The following DENND4C variants were observed in gnomAD, a reference collection of about 807,000 sequenced individuals.
DENND4C encodes DENN domain-containing protein 4C.
In DENND4C, 108 loss-of-function variants were observed where a neutral mutation model predicts 203.0. That is an observed-to-expected ratio of 0.53 (90% confidence interval 0.46 to 0.62). The LOEUF (loss-of-function observed/expected upper bound fraction) is 0.62, where lower values mean the gene tolerates loss of function less well. Among genes scored for constraint, DENND4C ranks in the 20% least tolerant of loss-of-function variants. The pLI is 0.00. For missense variants in DENND4C, 2,481 were observed against 2,301.2 expected (o/e 1.08, Z -1.60); for synonymous variants, 871 against 792.4 (o/e 1.10, Z -1.67).
intron 30 of DENND4C, among the ~76,000 whole-genome samples, chr9:19,367,431 T>C (rs1827912908): frequency 6.6e-6 from 1 of 152,198 alleles, no homozygotes; most frequent in Non-Finnish European, 1.5e-5. Flanking sequence ...CGGAAACAAA[T>C]GTCTATCAGT....
chr9:19,315,069 A>G (rs1314190427), intron 10 of DENND4C, among the ~76,000 whole-genome samples: 1 of 151,174 alleles, frequency 6.6e-6, no homozygotes, highest in East Asian at 2.0e-4. Flanking sequence ...CTGAGGCAGG[A>G]GAATCGCTTG....
Position 19,352,126 on chromosome 9 carries a change from C to A in DENND4C, c.4549C>A (p.His1517Asn), listed in dbSNP as rs779176610. ...MKGQDFEKSD[H>N]GSSQNTSMSS... ...AGGGCAAGACTTTGAAAAATCAGAT[C>A]ATGGTTCTTCTCAAAATACCAGCAT... The change falls in exon 25 of 33, where the codon CAT becomes AAT. Residue 1517 changes from histidine (H) to asparagine (N), a missense_variant. Around this residue, in one of 3 missense-constraint regions of DENND4C, gnomAD observed 2,289 missense variants for 2,113.3 expected, o/e 1.08. Coordinates refer to ENST00000434457, the MANE Select transcript of DENND4C (RefSeq NM_001330640.2). The A allele has an allele frequency of 1.2e-6, 2 of 1,613,872 alleles. No homozygotes were observed. Among genetic ancestry groups the A allele is most frequent in the Non-Finnish European group, 1.7e-6 (2 of 1,179,884 alleles).
At chr9:19,244,739 CAAA>C (rs11459976) in intron 1 of DENND4C, among the ~76,000 whole-genome samples, 25 of 142,408 alleles carry the variant, frequency 1.8e-4, no homozygotes, top group Admixed American at 3.5e-4. Flanking sequence ...GACCCCACCT[CAAA>C]AAAAAAAAAA....
At chr9:19,279,704 A>G (rs1833645461) in intron 2 of DENND4C, among the ~76,000 whole-genome samples, 1 of 151,338 alleles carries the variant, frequency 6.6e-6, no homozygotes, top group Non-Finnish European at 1.5e-5. Context: ...AAAATTAGCA[A>G]GGTGTGGTGG....
rs1262901802 is a variant in DENND4C at position 19,346,036 on chromosome 9, T to C, written c.3267T>C (p.Phe1089=). The C allele has an allele frequency of 6.2e-7, 1 of 1,614,176 alleles. No homozygotes were observed. Among genetic ancestry groups the C allele is most frequent in the Non-Finnish European group, 8.5e-7 (1 of 1,180,044 alleles). ...GDRGEKRQKH[F]PERSCSFSSE... The stretch of plus-strand genomic sequence containing the variant: ...GAGGAGAAAAAAGACAAAAGCATTT[T>C]CCTGAGAGGAGTTGTAGTTTTAGTT... The change falls in exon 23 of 33, where the codon TTT becomes TTC. Residue 1089 remains phenylalanine (F), a synonymous_variant. Transcript: ENST00000434457.
chr9:19,337,130 A>T (rs1331897961), intron 20 of DENND4C, among the ~76,000 whole-genome samples: 1 of 152,244 alleles, frequency 6.6e-6, no homozygotes, highest in Non-Finnish European at 1.5e-5. Context: ...CTTGAAAATT[A>T]GTGACACAAC....
intron 22 of DENND4C, among the ~76,000 whole-genome samples, chr9:19,343,935 A>G (rs960876986): frequency 6.6e-6 from 1 of 152,204 alleles, no homozygotes; most frequent in Non-Finnish European, 1.5e-5. Flanking sequence ...AGAACCAATA[A>G]TATTTGCAAG....
intron 26 of DENND4C, among the ~76,000 whole-genome samples, chr9:19,354,817 A>G (rs1303255136): frequency 2.0e-5 from 3 of 151,556 alleles, no homozygotes; most frequent in African/African-American, 7.3e-5. Context: ...AAGTGCTGGG[A>G]TTACAGGCGT....
chr9:19,241,404 A>T (rs1187601380), intron 1 of DENND4C, among the ~76,000 whole-genome samples: 1 of 151,780 alleles, frequency 6.6e-6, no homozygotes, highest in African/African-American at 2.4e-5. Flanking sequence ...TTAGAGATAG[A>T]GTCTCGCTAT....
chr9:19,252,582 TTAAAA>T (rs1564087998), intron 1 of DENND4C, among the ~76,000 whole-genome samples: 1 of 152,174 alleles, frequency 6.6e-6, no homozygotes. Context: ...ATCCTGTCTC[TTAAAA>T]TAAAATAATT....
rs534244824 is a variant in DENND4C at position 19,331,481 on chromosome 9, A to G, written c.2254-497A>G. Among the ~76,000 whole-genome samples the G allele has an allele frequency of 1.4e-4, 21 of 152,264 alleles. 1 individual carries two copies. Among genetic ancestry groups the G allele is most frequent in the African/African-American group, 4.3e-4 (18 of 41,562 alleles). The stretch of plus-strand genomic sequence containing the variant: ...CTCCCAAAGTGCTAGGATTACAGGC[A>G]TAAGCCACTGCACCTGGCCAGAAAC... On this transcript the variant is annotated intron_variant, in intron 16 of 32. Coordinates refer to ENST00000434457, the MANE Select transcript of DENND4C (RefSeq NM_001330640.2).
At chr9:19,312,345 T>C (rs1840905968) in intron 10 of DENND4C, among the ~76,000 whole-genome samples, 2 of 152,146 alleles carry the variant, frequency 1.3e-5, no homozygotes, top group South Asian at 2.1e-4. Context: ...TCAAGTGATA[T>C]GCCTATATCA....
chr9:19,304,662 G>A (rs1028247874), intron 9 of DENND4C, among the ~76,000 whole-genome samples: 91 of 151,014 alleles, frequency 6.0e-4, no homozygotes, highest in Non-Finnish European at 1.3e-4. Flanking sequence ...TCAGCCTCCC[G>A]AGTAGCTGGG....
At chr9:19,277,445 T>C (rs975682953) in intron 2 of DENND4C, among the ~76,000 whole-genome samples, 2 of 152,210 alleles carry the variant, frequency 1.3e-5, no homozygotes, top group Non-Finnish European at 2.9e-5. Context: ...ATAAATAGTG[T>C]TGTTTTCTTA....
At chr9:19,319,478 A>G (rs894164627) in intron 12 of DENND4C, among the ~76,000 whole-genome samples, 1 of 148,420 alleles carries the variant, frequency 6.7e-6, no homozygotes, top group Admixed American at 6.8e-5. Flanking sequence ...TGAGGGGGAC[A>G]CAGTTTCACT....
intron 18 of DENND4C, 107 bp downstream of exon 18, chr9:19,335,212 A>AT (rs1820168656): frequency 1.5e-6 from 1 of 649,440 alleles, no homozygotes; most frequent in Non-Finnish European, 2.2e-6. Context: ...TTGGGATATA[A>AT]TTTTTTAATA....
chr9:19,279,757 G>A (rs1450993062), intron 2 of DENND4C, among the ~76,000 whole-genome samples: 1 of 152,086 alleles, frequency 6.6e-6, no homozygotes, highest in Non-Finnish European at 1.5e-5. Context: ...TGAGGTGGGA[G>A]GATCACTGGA....
intron 17 of DENND4C, among the ~76,000 whole-genome samples, chr9:19,333,016 TA>T (rs1465474626): frequency 6.7e-6 from 1 of 150,114 alleles, no homozygotes; most frequent in Non-Finnish European, 1.5e-5. Flanking sequence ...TTTAAAAATA[TA>T]TTTTTTATTT....
chr9:19,263,657 A>ATTTTTTTTTT (rs111309104), intron 1 of DENND4C, among the ~76,000 whole-genome samples: 1,847 of 99,210 alleles, frequency 0.019, 47 homozygotes, highest in African/African-American at 0.057. Context: ...TTTTCTTCCC[A>ATTTTTTTTTT]TTTTTTTTTT....
Sources: allele counts gnomAD v4.1 joint callset (sites outside exome capture counted in the v4.1 genomes callset), GRCh38; gene constraint gnomAD v4.1.1; regional missense constraint gnomAD v4.1.1; transcripts MANE v1.5; gene names NCBI Gene and HGNC (gene_info 2026-07-23, HGNC 2026-07-21).